The following BCAR1 variants were observed in gnomAD, a reference collection of about 807,000 sequenced individuals.
BCAR1 encodes breast cancer anti-estrogen resistance protein 1.
Under a neutral mutation model 67.6 loss-of-function variants are expected in BCAR1, and 30 were observed. That is an observed-to-expected ratio of 0.44 (90% CI 0.33 to 0.60). The LOEUF is 0.60. BCAR1 is among the 20% of genes least tolerant of loss of function. The pLI is 0.02. For synonymous variants in BCAR1, 626 were observed against 556.7 expected, an observed-to-expected ratio of 1.12 and a Z score of -1.75; for missense variants, 1,313 against 1,222.3, an observed-to-expected ratio of 1.07 and a Z score of -1.11.
intron 6 of BCAR1, among the ~76,000 whole-genome samples, chr16:75,231,287 G>C (rs979251245): frequency 6.6e-6 from 1 of 151,978 alleles, no homozygotes; most frequent in Non-Finnish European, 1.5e-5. Context: ...GTTTCACCAT[G>C]TTGGCCAAGC....
intron 1 of BCAR1, chr16:75,265,840 G>A (rs999693846): frequency 3.4e-6 from 4 of 1,181,166 alleles, no homozygotes; most frequent in Middle Eastern, 3.4e-4. Context: ...CGGACATCTT[G>A]GCCGCCGCCC....
chr16:75,266,674 C>A (rs549732721), intron 1 of BCAR1: 2 of 1,292,340 alleles, frequency 1.5e-6, no homozygotes, highest in East Asian at 5.6e-5. Flanking sequence ...TTGCTGATGC[C>A]CCGTTACATT....
intron 1 of BCAR1, among the ~76,000 whole-genome samples, chr16:75,257,836 A>G (rs1227254262): frequency 3.3e-5 from 5 of 152,190 alleles, no homozygotes; most frequent in Non-Finnish European, 7.3e-5. Flanking sequence ...ATGCCGGCCT[A>G]TAGATAAAGG....
intron 2 of BCAR1, among the ~76,000 whole-genome samples, chr16:75,239,462 C>G (rs1183995768): frequency 6.6e-6 from 1 of 152,208 alleles, no homozygotes; most frequent in East Asian, 1.9e-4. Context: ...GACAAGCGAA[C>G]TCAGGAATAC....
intron 2 of BCAR1, among the ~76,000 whole-genome samples, chr16:75,240,853 C>T (rs779965089): frequency 6.6e-6 from 1 of 152,222 alleles, no homozygotes. Flanking sequence ...TGGCTGAGCC[C>T]CTGATGCAAT....
intron 6 of BCAR1, 46 bp downstream of exon 6, chr16:75,233,800 G>C (rs1461042110): frequency 6.5e-7 from 1 of 1,542,668 alleles, no homozygotes; most frequent in East Asian, 2.4e-5. Context: ...GGGGGCTCAG[G>C]GGGTCAGCGG....
Position 75,237,320 on chromosome 16 carries a change from G to T in BCAR1, c.658C>A (p.Gln220Lys). Residue 220 changes from glutamine (Q) to lysine (K), a missense_variant, in exon 3 of 7, where the codon CAG becomes AAG. By Grantham distance (53) the Gln-to-Lys change is moderately conservative. Coordinates refer to ENST00000162330, the MANE Select transcript of BCAR1 (RefSeq NM_014567.5). ...TGGGCGGCCTCGTATACATAGCCCTGCCCCACGCGGGTGGGCACCACCACC... is the reference window on the plus strand; with the variant it reads ...TGGGCGGCCTCGTATACATAGCCCTTCCCCACGCGGGTGGGCACCACCACC... ...AKVVVPTRVG[Q>K]GYVYEAAQPE... The T allele has an allele frequency of 1.3e-6, 2 of 1,484,326 alleles. No individual in the cohort carries two copies. The highest frequency in any genetic ancestry group is 2.6e-5 in the East Asian group (1 of 38,414). The allele number at this position is 1,484,326 out of a possible 1,614,324, so 91.9% of individuals were successfully genotyped here. A position where few individuals can be genotyped will look rare whatever the true frequency, so the allele number is the denominator to read the frequency against.
rs1305009386 is a variant in BCAR1, at chr16:75,228,206, C to A, written c.*1305G>T. 1 of 152,346 alleles carries A rather than the reference C, an allele frequency of 6.6e-6. No individual in the cohort carries two copies. Among genetic ancestry groups the A allele is most frequent in the Non-Finnish European group, 1.5e-5 (1 of 68,116 alleles). The allele number at this position is 152,346 out of a possible 1,614,324, so 9.4% of individuals were successfully genotyped here. A position where few individuals can be genotyped will look rare whatever the true frequency, so the allele number is the denominator to read the frequency against. ...TTGAGAGCAACTGCATACACCTTTA[C>A]CTCTGTGTCCTCACCAAGGCAGGTG... On this transcript the variant is annotated 3_prime_UTR_variant, in exon 7 of 7. Transcript: ENST00000162330.
At chr16:75,249,678 AAGG>A (rs1567616385) in intron 1 of BCAR1, 1 of 152,336 alleles carries the variant, frequency 6.6e-6, no homozygotes, top group Non-Finnish European at 1.5e-5. Context: ...GGGGCAAGGG[AAGG>A]AGTTGTCCAG....
In BCAR1 at chr16:75,242,750, G is replaced by A. The variant is rs369741235; in HGVS notation, c.353C>T (p.Pro118Leu). 1.3e-6 allele frequency: 2 copies of A among 1,590,050 alleles called. No homozygotes were observed. Among genetic ancestry groups the A allele is most frequent in the Non-Finnish European group, 1.7e-6 (2 of 1,168,506 alleles). The change falls in exon 2 of 7, where the codon CCC (proline) becomes CTC (leucine). Residue 118 changes from proline (P) to leucine (L), a missense_variant. Transcript: ENST00000162330. ...GCCTTGCTGAGCCTTGCTGGGAGTG[G>A]GCACCAGGTAGACGCTGTCTGGCTG... is the stretch of plus-strand genomic sequence containing the variant. Reference protein sequence around the residue: ...QPQPDSVYLVPTPSKAQQGLY... With the variant: ...QPQPDSVYLVLTPSKAQQGLY...
At chr16:75,239,605 G>A (rs1054985335) in intron 2 of BCAR1, among the ~76,000 whole-genome samples, 2 of 152,144 alleles carry the variant, frequency 1.3e-5, no homozygotes, top group East Asian at 3.9e-4. Context: ...GACCTGGGTT[G>A]GCTCCCGGCT....
chr16:75,256,516 G>GC (rs1319656299), upstream of BCAR1, among the ~76,000 whole-genome samples: 2 of 90,048 alleles, frequency 2.2e-5, no homozygotes, highest in Non-Finnish European at 4.8e-5. Flanking sequence ...AGCACGGATG[G>GC]GGGGGGGTGG....
rs1412517075 is a variant in BCAR1 at position 75,238,046 on chromosome 16, G to A, written c.634-702C>T. On this transcript the variant is annotated intron_variant, in intron 2 of 6. Transcript: ENST00000162330. ...ACCTGAAAGGATGAGGCCTAGTGGG[G>A]GAAGTGGGTCCAGGGCCAGCCCTCC... is the stretch of plus-strand genomic sequence containing the variant. 4.7e-6 allele frequency: 6 copies of A among 1,288,868 alleles called. No homozygotes were observed. The Admixed American group carries it at 1.4e-4, about 30-fold the overall frequency. The allele number at this position is 1,288,868 out of a possible 1,614,324, so 79.8% of individuals were successfully genotyped here.
chr16:75,255,512 A>G (rs749771856), upstream of BCAR1, among the ~76,000 whole-genome samples: 3 of 152,048 alleles, frequency 2.0e-5, no homozygotes, highest in Non-Finnish European at 2.9e-5. Flanking sequence ...CCTGTCCAAC[A>G]TGGCGAAACT....
At chr16:75,244,495 C>G (rs1348601866) in intron 1 of BCAR1, among the ~76,000 whole-genome samples, 1 of 152,268 alleles carries the variant, frequency 6.6e-6, no homozygotes, top group Non-Finnish European at 1.5e-5. Flanking sequence ...AGCGCCATCT[C>G]CCTGGCCGGC....
At chr16:75,260,127 G>C (rs8060989) in intron 1 of BCAR1, among the ~76,000 whole-genome samples, 59,396 of 151,782 alleles carry the variant, frequency 0.39, 12,804 homozygotes, top group East Asian at 0.81. Flanking sequence ...CTGGGAGGAA[G>C]AGGTTGCAGT....
At chr16:75,261,517 A>G (rs377467923) in intron 1 of BCAR1, among the ~76,000 whole-genome samples, 2 of 152,234 alleles carry the variant, frequency 1.3e-5, no homozygotes, top group East Asian at 3.8e-4. Flanking sequence ...AGAGGCCTGC[A>G]CCACTGCAGC....
chr16:75,243,178 G>T, intron 1 of BCAR1, 88 bp from the exon 2 acceptor site: 1 of 1,362,168 alleles, frequency 7.3e-7, no homozygotes, highest in Non-Finnish European at 1.0e-6. Flanking sequence ...CTGGGGAGGT[G>T]CCCAGCTTTG....
intron 1 of BCAR1, among the ~76,000 whole-genome samples, chr16:75,258,144 G>A (rs546490227): frequency 2.0e-5 from 3 of 152,280 alleles, no homozygotes; most frequent in East Asian, 3.9e-4. Flanking sequence ...TGGGCACCAG[G>A]GCGCACCTTC....
Sources: allele counts gnomAD v4.1 joint callset (sites outside exome capture counted in the v4.1 genomes callset), GRCh38; gene constraint gnomAD v4.1.1; transcripts MANE v1.5; gene names NCBI Gene and HGNC (gene_info 2026-07-23, HGNC 2026-07-21).